Variants in CSNK1G3 observed in about 807,000 individuals in gnomAD.
The protein encoded by CSNK1G3 is casein kinase I isoform gamma-3.
In CSNK1G3, 23 loss-of-function variants were observed where a neutral mutation model predicts 64.3. The observed-to-expected ratio is 0.36, with a 90% confidence interval of 0.26 to 0.51. The LOEUF (loss-of-function observed/expected upper bound fraction) is 0.51, where lower values mean the gene tolerates loss of function less well. Among genes scored for constraint, CSNK1G3 ranks in the 20% least tolerant of loss-of-function variants. The pLI is 0.96. For missense variants in CSNK1G3, 357 were observed against 510.5 expected (o/e 0.70, Z 2.90); for synonymous variants, 158 against 162.2 (o/e 0.97, Z 0.20).
rs181244199 is a variant in CSNK1G3 at position 123,557,438 on chromosome 5, G to A, written c.220-57G>A. 1,239 of 1,287,756 alleles carry A rather than the reference G, an allele frequency of 9.6e-4. 11 individuals are homozygous for A. In the African/African-American group the frequency reaches 0.016, roughly 17 times the overall value. The allele number at this position is 1,287,756 out of a possible 1,614,324, so 79.8% of individuals were successfully genotyped here. On this transcript the variant is annotated intron_variant, in intron 3 of 12. Coordinates refer to ENST00000345990, the Ensembl canonical transcript of CSNK1G3. ...CACCAAAATTTATAACATTTGTGTT[G>A]GGACCTAGTGCTCTTTTAATAACTT...
In CSNK1G3 at chr5:123,586,017, C is replaced by T. The variant is rs543774391; in HGVS notation, c.674-2051C>T. Among the ~76,000 whole-genome samples the T allele has an allele frequency of 8.5e-5, 13 of 152,298 alleles. No individual in the cohort carries two copies. In the South Asian group the frequency reaches 2.7e-3, roughly 32 times the overall value. On this transcript the variant is annotated intron_variant, in intron 6 of 12. Transcript: ENST00000345990. ...AGAATGTTCATAACAGCTTTATTCA[C>T]AATAGCCCCAAACTGGAACCTATTC...
intron 3 of CSNK1G3, among the ~76,000 whole-genome samples, chr5:123,554,657 T>C (rs1784301994): frequency 1.3e-5 from 2 of 152,204 alleles, no homozygotes; most frequent in African/African-American, 4.8e-5. Flanking sequence ...ATTGCTGACT[T>C]TCATTTCTTT....
chr5:123,519,347 C>T (rs1327163502), intron 1 of CSNK1G3, among the ~76,000 whole-genome samples: 1 of 152,214 alleles, frequency 6.6e-6, no homozygotes, highest in African/African-American at 2.4e-5. Flanking sequence ...GCCACTGTGC[C>T]CGGCTGGGTC....
intron 4 of CSNK1G3, among the ~76,000 whole-genome samples, chr5:123,566,746 T>C (rs1341123779): frequency 6.6e-6 from 1 of 152,216 alleles, no homozygotes; most frequent in Non-Finnish European, 1.5e-5. Flanking sequence ...AAATATCATT[T>C]TAAGTTTTTC....
intron 2 of CSNK1G3, among the ~76,000 whole-genome samples, chr5:123,550,148 T>C (rs1201054963): frequency 6.6e-6 from 1 of 152,226 alleles, no homozygotes; most frequent in African/African-American, 2.4e-5. Context: ...AACTAAGGAA[T>C]AGACTGTAAG....
intron 1 of CSNK1G3, among the ~76,000 whole-genome samples, chr5:123,535,858 C>G (rs1166331826): frequency 6.6e-6 from 1 of 152,108 alleles, no homozygotes; most frequent in South Asian, 2.1e-4. Flanking sequence ...CTTTCTGCCT[C>G]TCTCTCCCTC....
chr5:123,614,313 A>G lies in CSNK1G3; in HGVS notation c.1218-29A>G, dbSNP rs375615477. 4 of 1,600,442 alleles carry G rather than the reference A, an allele frequency of 2.5e-6. No homozygotes were observed. In the African/African-American group the frequency reaches 5.4e-5, roughly 22 times the overall value. Reference sequence around the variant, plus strand: ...CTTTGTGATATTTTAGTGCTTTTAAAATAAAAAGAGTGTTTCCCTCATCTG... The same window carrying G: ...CTTTGTGATATTTTAGTGCTTTTAAGATAAAAAGAGTGTTTCCCTCATCTG... On this transcript the variant is annotated intron_variant, in intron 12 of 12. Coordinates refer to ENST00000345990, the Ensembl canonical transcript of CSNK1G3.
intron 10 of CSNK1G3, among the ~76,000 whole-genome samples, chr5:123,597,573 C>A (rs528257151): frequency 1.3e-5 from 2 of 152,028 alleles, no homozygotes; most frequent in Non-Finnish European, 2.9e-5. Flanking sequence ...TAAGATGAAA[C>A]CTCTTGCCAT....
intron 6 of CSNK1G3, among the ~76,000 whole-genome samples, chr5:123,587,325 G>T (rs890796147): frequency 2.0e-5 from 3 of 152,024 alleles, no homozygotes; most frequent in Admixed American, 1.3e-4. Context: ...TAGCATTTTG[G>T]TATTATTTTG....
chr5:123,612,479 AT>A (rs200373188), intron 12 of CSNK1G3, among the ~76,000 whole-genome samples: 391 of 138,276 alleles, frequency 2.8e-3, no homozygotes, highest in Admixed American at 3.0e-3. Flanking sequence ...ACTTGAAGCT[AT>A]TTTTTTTTTT....
intron 1 of CSNK1G3, among the ~76,000 whole-genome samples, chr5:123,521,408 A>G (rs927465554): frequency 3.9e-5 from 6 of 152,142 alleles, no homozygotes; most frequent in African/African-American, 1.2e-4. Context: ...TTTGTAGTTA[A>G]TAAAGTATCA....
At chr5:123,512,414 C>T (rs1244327940) in exon 1 of CSNK1G3, 1 of 149,616 alleles carries the variant, frequency 6.7e-6, no homozygotes, top group African/African-American at 2.5e-5. Flanking sequence ...CCCCCTACCT[C>T]GCTCGCTCGC....
exon 2 of CSNK1G3, chr5:123,545,592 A>G (rs1178068413): frequency 2.5e-5 from 32 of 1,299,920 alleles, no homozygotes; most frequent in Non-Finnish European, 3.0e-5. Context: ...TGATGTACCT[A>G]TTTTCACAAT....
intron 11 of CSNK1G3, among the ~76,000 whole-genome samples, chr5:123,605,073 A>G (rs954166645): frequency 2.0e-5 from 3 of 152,146 alleles, no homozygotes; most frequent in African/African-American, 4.8e-5. Flanking sequence ...AATTAACAAC[A>G]TATTTTTAGC....
At chr5:123,603,155 A>G (rs1469687261) in intron 10 of CSNK1G3, among the ~76,000 whole-genome samples, 1 of 152,122 alleles carries the variant, frequency 6.6e-6, no homozygotes, top group Non-Finnish European at 1.5e-5. Flanking sequence ...AATCATTAGT[A>G]ACCTTTAAGA....
At chr5:123,581,355 G>T (rs1490599901) in intron 6 of CSNK1G3, among the ~76,000 whole-genome samples, 11 of 119,764 alleles carry the variant, frequency 9.2e-5, no homozygotes, top group African/African-American at 3.3e-4. Context: ...TTGTTTTTTG[G>T]GTTTGTTTTT....
intron 10 of CSNK1G3, among the ~76,000 whole-genome samples, chr5:123,592,067 AAG>A (rs1435292801): frequency 2.6e-5 from 4 of 152,010 alleles, no homozygotes; most frequent in Non-Finnish European, 4.4e-5. Flanking sequence ...TATATTTAAA[AAG>A]AGAATAAGCT....
At chr5:123,540,527 T>A (rs1167160424) in intron 1 of CSNK1G3, among the ~76,000 whole-genome samples, 2 of 152,172 alleles carry the variant, frequency 1.3e-5, no homozygotes, top group Non-Finnish European at 1.5e-5. Context: ...TTTTTTCTAA[T>A]TTCTCTTGTG....
At chr5:123,611,672 C>T (rs1192573753) in intron 12 of CSNK1G3, among the ~76,000 whole-genome samples, 1 of 152,052 alleles carries the variant, frequency 6.6e-6, no homozygotes, top group Non-Finnish European at 1.5e-5. Flanking sequence ...AGGGCTAATA[C>T]AACTTTAGAA....
Sources: allele counts gnomAD v4.1 joint callset (sites outside exome capture counted in the v4.1 genomes callset), GRCh38; gene constraint gnomAD v4.1.1; transcripts MANE v1.5; gene names NCBI Gene and HGNC (gene_info 2026-07-23, HGNC 2026-07-21).